TASP1: variants seen among roughly 807,000 people sequenced by gnomAD.
TASP1 encodes threonine aspartase 1.
TASP1 carries 16 observed loss-of-function variants against 56.6 expected under a neutral mutation model. The ratio of observed to expected loss-of-function variants is 0.28; its 90% CI spans 0.19 to 0.43. The LOEUF is 0.43. Among genes scored for constraint, TASP1 ranks in the 20% least tolerant of loss-of-function variants. TASP1 has a pLI of 1.00. For missense variants in TASP1, 393 were observed against 511.6 expected, an observed-to-expected ratio of 0.77 and a Z score of 2.24; for synonymous variants, 179 against 184.2, an observed-to-expected ratio of 0.97 and a Z score of 0.23.
the TASP1 span, among the ~76,000 whole-genome samples, chr20:13,227,986 A>G: frequency 2.7e-5 from 3 of 112,376 alleles, no homozygotes; most frequent in African/African-American, 1.1e-4. Context: ...TCTTTTTGAG[A>G]TGGAGTCTAG....
chr20:13,393,233 T>A (rs2041361287), intron 13 of TASP1: 1 of 732,920 alleles, frequency 1.4e-6, no homozygotes, highest in East Asian at 2.8e-5. Context: ...CCCAGAAGAC[T>A]GTGGATGGCC....
At chr20:13,354,457 G>A in the TASP1 span, among the ~76,000 whole-genome samples, 31,402 of 152,058 alleles carry the variant, frequency 0.21, 3,933 homozygotes, top group African/African-American at 0.35. Flanking sequence ...TTTCCATTGC[G>A]CTAGTCACAG....
the TASP1 span, among the ~76,000 whole-genome samples, chr20:13,229,607 G>A: frequency 1.2e-4 from 18 of 152,226 alleles, no homozygotes; most frequent in Middle Eastern, 0.01. Context: ...TGCATATTAT[G>A]AGTAAGACCA....
the TASP1 span, among the ~76,000 whole-genome samples, chr20:13,335,324 GCACACACACA>G: frequency 4.4e-3 from 627 of 141,632 alleles, 6 homozygotes; most frequent in African/African-American, 0.013. Flanking sequence ...CCTCACCTAT[GCACACACACA>G]CACACACACA....
At chr20:13,108,709 G>T in the TASP1 span, among the ~76,000 whole-genome samples, 538 of 152,168 alleles carry the variant, frequency 3.5e-3, 1 homozygote, top group African/African-American at 0.012. Context: ...CAAGTAGCTG[G>T]GATTAGAGGT....
At chr20:13,441,428 G>A (rs1366274396) in intron 11 of TASP1, among the ~76,000 whole-genome samples, 2 of 152,104 alleles carry the variant, frequency 1.3e-5, no homozygotes, top group Non-Finnish European at 2.9e-5. Flanking sequence ...AATGAACCAG[G>A]TAAATGATGG....
At chr20:13,245,220 C>G in the TASP1 span, 1 of 152,180 alleles carries the variant, frequency 6.6e-6, no homozygotes, top group Admixed American at 6.5e-5. Flanking sequence ...TTCCATGGGT[C>G]CGGAATTCAG....
chr20:13,318,089 A>C, the TASP1 span, among the ~76,000 whole-genome samples: 1 of 151,788 alleles, frequency 6.6e-6, no homozygotes, highest in Admixed American at 6.6e-5. Context: ...CTCAACAATA[A>C]GAACACAAAC....
At chr20:13,455,830 G>A (rs888314811) in intron 11 of TASP1, among the ~76,000 whole-genome samples, 6 of 152,070 alleles carry the variant, frequency 3.9e-5, no homozygotes, top group Admixed American at 1.3e-4. Flanking sequence ...TTTGTAAACC[G>A]CTGATTTACA....
At chr20:13,202,672 A>C in the TASP1 span, among the ~76,000 whole-genome samples, 2 of 152,270 alleles carry the variant, frequency 1.3e-5, no homozygotes, top group South Asian at 4.1e-4. Flanking sequence ...ATAGGTTGAG[A>C]GCAAGGCTGG....
chr20:13,391,801 A>C (rs1416195432), intron 13 of TASP1, among the ~76,000 whole-genome samples: 10 of 151,290 alleles, frequency 6.6e-5, no homozygotes, highest in Non-Finnish European at 3.0e-5. Flanking sequence ...CCCTGTCTCT[A>C]CTAAAAATGC....
the TASP1 span, among the ~76,000 whole-genome samples, chr20:13,350,821 A>T: frequency 6.6e-6 from 1 of 152,084 alleles, no homozygotes; most frequent in Non-Finnish European, 1.5e-5. Flanking sequence ...CCTCCCAAGT[A>T]GCTGAGACTA....
At chr20:13,605,202 G>A (rs1288392886) in intron 4 of TASP1, among the ~76,000 whole-genome samples, 3 of 151,888 alleles carry the variant, frequency 2.0e-5, no homozygotes, top group South Asian at 2.1e-4. Context: ...ACTGTGGATA[G>A]GTATGAGGGA....
intron 10 of TASP1, among the ~76,000 whole-genome samples, chr20:13,521,477 A>G (rs530731994): frequency 6.6e-6 from 1 of 152,336 alleles, no homozygotes; most frequent in African/African-American, 2.4e-5. Flanking sequence ...CTTTTTAGGG[A>G]CATGGATGAA....
chr20:13,260,178 A>AG, the TASP1 span, among the ~76,000 whole-genome samples: 1 of 152,240 alleles, frequency 6.6e-6, no homozygotes, highest in African/African-American at 2.4e-5. Context: ...TGCCGGTGGC[A>AG]GGAGCTTTCT....
chr20:13,126,867 C>A, the TASP1 span: 1 of 1,131,196 alleles, frequency 8.8e-7, no homozygotes, highest in Non-Finnish European at 1.2e-6. Flanking sequence ...CTGCCGTTAG[C>A]ACACCATACA....
the TASP1 span, among the ~76,000 whole-genome samples, chr20:13,195,891 G>A: frequency 6.6e-6 from 1 of 151,968 alleles, no homozygotes; most frequent in African/African-American, 2.4e-5. Context: ...AATTTATCAT[G>A]CTGCCGGGCT....
chr20:13,219,352 AAC>A, the TASP1 span, among the ~76,000 whole-genome samples: 548 of 152,228 alleles, frequency 3.6e-3, 6 homozygotes, highest in African/African-American at 0.013. Context: ...CTAATTAGAA[AAC>A]ACACAGGAGG....
the TASP1 span, among the ~76,000 whole-genome samples, chr20:13,128,731 C>T: frequency 6.6e-6 from 1 of 151,798 alleles, no homozygotes; most frequent in East Asian, 1.9e-4. Flanking sequence ...TGCTCTGTCA[C>T]CCAGGCTGAA....
Sources: allele counts gnomAD v4.1 joint callset (sites outside exome capture counted in the v4.1 genomes callset), GRCh38; gene constraint gnomAD v4.1.1; transcripts MANE v1.5; gene names NCBI Gene and HGNC (gene_info 2026-07-23, HGNC 2026-07-21).